CCDC178: variants seen among roughly 807,000 people sequenced by gnomAD.
CCDC178 encodes the protein coiled-coil domain containing 178.
Under a neutral mutation model 117.4 loss-of-function variants are expected in CCDC178, and 126 were observed. The observed-to-expected ratio is 1.07, with a 90% CI of 0.93 to 1.24. The LOEUF is 1.24. CCDC178 is among the 50% of genes most tolerant of loss of function. The pLI is 0.00. For synonymous variants in CCDC178, 283 were observed against 313.4 expected, an observed-to-expected ratio of 0.90 and a Z score of 1.02; for missense variants, 1,030 against 986.9, an observed-to-expected ratio of 1.04 and a Z score of -0.59.
chr18:33,318,108 C>A (rs906180433), intron 11 of CCDC178, among the ~76,000 whole-genome samples: 1 of 152,210 alleles, frequency 6.6e-6, no homozygotes, highest in Non-Finnish European at 1.5e-5. Flanking sequence ...TAATGTCCAA[C>A]CTCCTCATTA....
intron 6 of CCDC178, among the ~76,000 whole-genome samples, chr18:33,363,272 T>C (rs765805376): frequency 1.3e-5 from 2 of 152,032 alleles, no homozygotes; most frequent in Non-Finnish European, 2.9e-5. Context: ...CTTCAAAGTT[T>C]TCATTAGAAT....
chr18:32,997,962 A>T (rs1388174612), intron 21 of CCDC178, among the ~76,000 whole-genome samples: 1 of 152,234 alleles, frequency 6.6e-6, no homozygotes, highest in Non-Finnish European at 1.5e-5. Flanking sequence ...TCCCGACAGG[A>T]GCATCAAATT....
chr18:33,297,601 A>G (rs1346494290), intron 11 of CCDC178, among the ~76,000 whole-genome samples: 1 of 152,234 alleles, frequency 6.6e-6, no homozygotes, highest in Admixed American at 6.5e-5. Flanking sequence ...CTAGACACAT[A>G]CAACCTATTA....
At chr18:33,227,552 GTGTGTATA>G (rs1236532614) in intron 15 of CCDC178, among the ~76,000 whole-genome samples, 2 of 71,168 alleles carry the variant, frequency 2.8e-5, no homozygotes, top group African/African-American at 9.7e-5. Flanking sequence ...GTGTGTGTGT[GTGTGTATA>G]TATATATATA....
intron 21 of CCDC178, among the ~76,000 whole-genome samples, chr18:33,011,778 A>G (rs1294633811): frequency 9.4e-6 from 1 of 106,394 alleles, no homozygotes; most frequent in East Asian, 2.1e-4. Context: ...AAAAAAAAAA[A>G]AAAAAAAAAA....
chr18:32,985,742 C>T lies in CCDC178; in HGVS notation c.2389-11061G>A, dbSNP rs78009897. Reference sequence around the variant, plus strand: ...ATTAATATAAATGGAATACTATTGACTCATATTAAGGAAACTACAGATGTT... The same window carrying T: ...ATTAATATAAATGGAATACTATTGATTCATATTAAGGAAACTACAGATGTT... On this transcript the variant is annotated intron_variant, in intron 21 of 22. Transcript: ENST00000383096. Among the ~76,000 whole-genome samples, 1,414 of 152,068 alleles carry T rather than the reference C, an allele frequency of 9.3e-3. 23 individuals carry two copies. Among genetic ancestry groups the T allele is most frequent in the African/African-American group, 0.033 (1,358 of 41,520 alleles).
intron 3 of CCDC178, among the ~76,000 whole-genome samples, chr18:33,410,806 GT>G (rs932957760): frequency 2.6e-5 from 4 of 152,134 alleles, no homozygotes; most frequent in African/African-American, 9.7e-5. Context: ...TCAATAAAAT[GT>G]GACAGAAATG....
intron 2 of CCDC178, among the ~76,000 whole-genome samples, chr18:33,425,694 T>C (rs1379396128): frequency 6.6e-6 from 1 of 152,168 alleles, no homozygotes; most frequent in Non-Finnish European, 1.5e-5. Flanking sequence ...GTCTGTTCTC[T>C]TTTCCCTGGC....
chr18:33,282,206 G>T (rs1322542372), intron 12 of CCDC178, among the ~76,000 whole-genome samples: 1 of 152,188 alleles, frequency 6.6e-6, no homozygotes, highest in Non-Finnish European at 1.5e-5. Flanking sequence ...CTGAAACCCG[G>T]CAGGAAGGGA....
chr18:33,375,933 A>C (rs1309116402), intron 5 of CCDC178, among the ~76,000 whole-genome samples: 2 of 152,210 alleles, frequency 1.3e-5, no homozygotes, highest in African/African-American at 4.8e-5. Flanking sequence ...TCAGAACAGG[A>C]GTGAAAGTTT....
intron 5 of CCDC178, among the ~76,000 whole-genome samples, chr18:33,384,502 A>G (rs529287642): frequency 6.6e-6 from 1 of 152,314 alleles, no homozygotes; most frequent in South Asian, 2.1e-4. Context: ...CCATCAGACT[A>G]ACCGCGTACC....
At chr18:33,174,356 A>G (rs2058638890) in intron 20 of CCDC178, among the ~76,000 whole-genome samples, 1 of 152,206 alleles carries the variant, frequency 6.6e-6, no homozygotes, top group Non-Finnish European at 1.5e-5. Context: ...TATCCAAACC[A>G]TATCAGAAGT....
intron 21 of CCDC178, among the ~76,000 whole-genome samples, chr18:32,983,798 T>C (rs186858724): frequency 2.6e-5 from 4 of 152,068 alleles, no homozygotes; most frequent in Admixed American, 2.6e-4. Flanking sequence ...GGTATGTGCA[T>C]GCAATTTTAA....
chr18:33,329,071 T>G (rs954538407), intron 10 of CCDC178, among the ~76,000 whole-genome samples: 3 of 152,152 alleles, frequency 2.0e-5, no homozygotes, highest in African/African-American at 7.2e-5. Context: ...TGGAATTGTT[T>G]TCTTAATTTT....
At chr18:33,256,726 T>G (rs1156396081) in intron 14 of CCDC178, among the ~76,000 whole-genome samples, 1 of 152,100 alleles carries the variant, frequency 6.6e-6, no homozygotes, top group African/African-American at 2.4e-5. Context: ...AGATTTTCTC[T>G]CTTTTTCTCT....
intron 6 of CCDC178, among the ~76,000 whole-genome samples, chr18:33,365,058 C>T (rs1205165746): frequency 6.6e-6 from 1 of 151,892 alleles, no homozygotes; most frequent in African/African-American, 2.4e-5. Flanking sequence ...AATACTCCAA[C>T]TGATGAATGT....
rs573290383 is a variant in CCDC178 at position 33,345,295 on chromosome 18, T to C, written c.658+916A>G. Among the ~76,000 whole-genome samples, 7 of 152,306 alleles carry C rather than the reference T, an allele frequency of 4.6e-5. No homozygotes were observed. In the East Asian group the frequency reaches 1.4e-3, roughly 29 times the overall value. ...AATCAGGAAGTCAGGCATGTTTTCA[T>C]AGGTACAGGGTTTGTAGAACAAACA... On this transcript the variant is annotated intron_variant, in intron 9 of 22. Transcript: ENST00000383096.
At chr18:33,071,077 TTAAC>T (rs1467624782) in intron 21 of CCDC178, among the ~76,000 whole-genome samples, 6 of 152,090 alleles carry the variant, frequency 3.9e-5, no homozygotes, top group Non-Finnish European at 7.4e-5. Flanking sequence ...CAATATTTGT[TTAAC>T]TATAGTGAAT....
At chr18:33,329,097 C>T (rs925539832) in intron 10 of CCDC178, among the ~76,000 whole-genome samples, 2 of 151,756 alleles carry the variant, frequency 1.3e-5, no homozygotes, top group African/African-American at 2.4e-5. Flanking sequence ...GATTGTTCAC[C>T]ACTAATGTAT....
Sources: gnomAD v4.1 joint callset for allele counts (sites outside exome capture counted in the v4.1 genomes callset) on GRCh38, gnomAD v4.1.1 for gene constraint, MANE v1.5 for transcripts, NCBI Gene and HGNC (gene_info 2026-07-23, HGNC 2026-07-21) for gene names.